Variants in CHD9 observed in about 807,000 individuals in gnomAD.
CHD9 encodes ATP-dependent chromatin remodeler CHD9.
A neutral mutation model predicts 316.1 loss-of-function variants in CHD9; 77 were observed. The ratio of observed to expected loss-of-function variants is 0.24; its 90% confidence interval spans 0.20 to 0.29. CHD9 has a LOEUF of 0.29. Ranked by LOEUF, CHD9 falls within the 10% of genes least tolerant of loss-of-function variation. The pLI is 1.00. For missense variants in CHD9, 2,763 were observed against 3,438.1 expected (o/e 0.80, Z 4.91); for synonymous variants, 1,129 against 1,158.3 (o/e 0.97, Z 0.51).
chr16:53,087,166 T>C (rs546551045), intron 1 of CHD9, among the ~76,000 whole-genome samples: 2 of 152,308 alleles, frequency 1.3e-5, no homozygotes, highest in South Asian at 4.1e-4. Context: ...CTATGAAGTA[T>C]CACTCTCTAG....
At chr16:53,189,558 T>TA (rs201936721) in intron 2 of CHD9, among the ~76,000 whole-genome samples, 129 of 150,892 alleles carry the variant, frequency 8.5e-4, no homozygotes, top group Admixed American at 4.2e-3. Flanking sequence ...ATTATATATA[T>TA]TTTTTTTTCC....
At chr16:53,094,809 T>C (rs558775637) in intron 1 of CHD9, among the ~76,000 whole-genome samples, 1 of 152,118 alleles carries the variant, frequency 6.6e-6, no homozygotes, top group Admixed American at 6.5e-5. Flanking sequence ...CCCACTAATT[T>C]TGTATTTTTA....
At chr16:53,202,959 G>A (rs1355079889) in intron 2 of CHD9, among the ~76,000 whole-genome samples, 1 of 152,096 alleles carries the variant, frequency 6.6e-6, no homozygotes, top group Non-Finnish European at 1.5e-5. Context: ...TTCAGGAAAA[G>A]TTTGACATTA....
intron 34 of CHD9, chr16:53,311,831 G>T (rs549721449): frequency 4.7e-4 from 72 of 152,284 alleles, no homozygotes; most frequent in African/African-American, 1.7e-3. Context: ...TTTATAAAAT[G>T]AGCTTAATAA....
chr16:53,179,625 AG>A (rs1365133851), intron 2 of CHD9, among the ~76,000 whole-genome samples: 3 of 152,148 alleles, frequency 2.0e-5, no homozygotes, highest in Admixed American at 6.6e-5. Flanking sequence ...AGCCAGGCAC[AG>A]TGGCTCAAGC....
At chr16:53,243,957 C>A (rs897548638) in intron 13 of CHD9, among the ~76,000 whole-genome samples, 1 of 152,080 alleles carries the variant, frequency 6.6e-6, no homozygotes, top group Non-Finnish European at 1.5e-5. Flanking sequence ...GCCACACACC[C>A]AGTTCAACAC....
intron 1 of CHD9, among the ~76,000 whole-genome samples, chr16:53,114,789 G>A (rs1261594495): frequency 4.0e-5 from 6 of 150,160 alleles, no homozygotes; most frequent in African/African-American, 1.5e-4. Context: ...GGGTTTCACC[G>A]TGTTAGCCAG....
At chr16:53,308,619 C>A (rs2056197816) in intron 33 of CHD9, 67 bp from the exon 34 acceptor site, 7 of 1,201,994 alleles carry the variant, frequency 5.8e-6, no homozygotes, top group Middle Eastern at 1.9e-4. Flanking sequence ...TAAAAAAATT[C>A]TCTTAATATC....
intron 30 of CHD9, among the ~76,000 whole-genome samples, chr16:53,303,020 T>C (rs1009820921): frequency 2.0e-5 from 3 of 152,224 alleles, no homozygotes; most frequent in African/African-American, 7.2e-5. Context: ...TTGTTGCCCC[T>C]GTGAGTTCAC....
intron 37 of CHD9, among the ~76,000 whole-genome samples, chr16:53,319,421 G>A (rs1033425352): frequency 2.0e-5 from 3 of 152,104 alleles, no homozygotes; most frequent in Admixed American, 1.3e-4. Context: ...AATATTGTTG[G>A]GTACACCAAC....
chr16:53,101,287 T>C (rs1003852465), intron 1 of CHD9, among the ~76,000 whole-genome samples: 1 of 150,628 alleles, frequency 6.6e-6, no homozygotes, highest in African/African-American at 2.4e-5. Context: ...TTTTTTTTTT[T>C]TTTTTGAGAC....
At chr16:53,292,289 A>T (rs1405712859) in intron 28 of CHD9, among the ~76,000 whole-genome samples, 1 of 152,232 alleles carries the variant, frequency 6.6e-6, no homozygotes, top group Non-Finnish European at 1.5e-5. Flanking sequence ...AGTATGAATG[A>T]CTACAGCTTG....
At chr16:53,272,031 G>C (rs2052320766) in intron 22 of CHD9, among the ~76,000 whole-genome samples, 1 of 152,186 alleles carries the variant, frequency 6.6e-6, no homozygotes, top group South Asian at 2.1e-4. Context: ...TATGTATGCA[G>C]CCTATGTATA....
chr16:53,186,689 C>T (rs889616717), intron 2 of CHD9, among the ~76,000 whole-genome samples: 15 of 152,136 alleles, frequency 9.9e-5, no homozygotes, highest in Non-Finnish European at 2.2e-4. Flanking sequence ...GTGGGAAGGA[C>T]CAGGTGGAGA....
chr16:53,266,524 T>TCACTA (rs2051713925), intron 20 of CHD9, among the ~76,000 whole-genome samples: 1 of 152,176 alleles, frequency 6.6e-6, no homozygotes, highest in Non-Finnish European at 1.5e-5. Context: ...CTTTCTAGTA[T>TCACTA]CACTACTTTG....
intron 37 of CHD9, among the ~76,000 whole-genome samples, chr16:53,319,182 G>A (rs1434196590): frequency 6.6e-6 from 1 of 152,148 alleles, no homozygotes; most frequent in Non-Finnish European, 1.5e-5. Context: ...TTATTCTGAT[G>A]AGCAAGCAAC....
chr16:53,159,484 T>C (rs1207373027), intron 2 of CHD9, among the ~76,000 whole-genome samples: 3 of 152,216 alleles, frequency 2.0e-5, no homozygotes, highest in Non-Finnish European at 4.4e-5. Context: ...TGAGATTCTG[T>C]GGACAATGAA....
At chr16:53,246,707 A>G (rs1597623213) in intron 15 of CHD9, among the ~76,000 whole-genome samples, 1 of 151,606 alleles carries the variant, frequency 6.6e-6, no homozygotes, top group Admixed American at 6.6e-5. Context: ...TCTTTTTGGT[A>G]GAGATGGGGT....
Position 53,228,563 on chromosome 16 carries a change from C to T in CHD9, c.2169-420C>T, listed in dbSNP as rs796567170. On this transcript the variant is annotated intron_variant, in intron 7 of 38. Transcript: ENST00000447540. ...TTTTTTTTTTTTTTTTTTTTTGAGA[C>T]GGAGTCTCGCTCTGTCGCCCAGGCC... Among the ~76,000 whole-genome samples the T allele has an allele frequency of 2.1e-4, 23 of 107,162 alleles. No individual in the cohort carries two copies. In the South Asian group the frequency reaches 2.6e-3, roughly 12 times the overall value. The allele number at this position is 107,162 out of a possible 152,430, so 70.3% of individuals were successfully genotyped here. A position where few individuals can be genotyped will look rare whatever the true frequency, so the allele number is the denominator to read the frequency against.
Sources: allele counts gnomAD v4.1 joint callset (sites outside exome capture counted in the v4.1 genomes callset), GRCh38; gene constraint gnomAD v4.1.1; transcripts MANE v1.5; gene names NCBI Gene and HGNC (gene_info 2026-07-23, HGNC 2026-07-21).